The following SGCD variants were observed in gnomAD, a reference collection of about 807,000 sequenced individuals.
The protein encoded by SGCD is delta-sarcoglycan.
A neutral mutation model predicts 36.6 loss-of-function variants in SGCD; 18 were observed. That is an observed-to-expected ratio of 0.49 (90% CI 0.34 to 0.73). SGCD has a LOEUF of 0.73. SGCD is among the 30% of genes least tolerant of loss of function. The pLI is 0.01. For missense variants in SGCD, 387 were observed against 346.7 expected, an observed-to-expected ratio of 1.12 and a Z score of -0.92; for synonymous variants, 133 against 130.6, an observed-to-expected ratio of 1.02 and a Z score of -0.12.
intron 1 of SGCD, among the ~76,000 whole-genome samples, chr5:156,099,632 C>G (rs904324526): frequency 1.3e-5 from 2 of 152,104 alleles, no homozygotes; most frequent in Non-Finnish European, 2.9e-5. Context: ...TCAGACTGGT[C>G]TTGAACTCCT....
chr5:155,930,475 C>G (rs1757078585), intron 1 of SGCD, among the ~76,000 whole-genome samples: 1 of 152,152 alleles, frequency 6.6e-6, no homozygotes, highest in Non-Finnish European at 1.5e-5. Context: ...AAGAAAAACA[C>G]ACAATAGGTT....
At chr5:156,493,896 A>G (rs1221479091) in intron 3 of SGCD, among the ~76,000 whole-genome samples, 1 of 152,022 alleles carries the variant, frequency 6.6e-6, no homozygotes, top group Admixed American at 6.6e-5. Context: ...TCCCTTTCAC[A>G]TCTTTGTACC....
intron 3 of SGCD, among the ~76,000 whole-genome samples, chr5:156,258,441 A>T (rs1207837281): frequency 6.6e-6 from 1 of 152,228 alleles, no homozygotes; most frequent in Admixed American, 6.5e-5. Flanking sequence ...AGTAAATAAA[A>T]GTTCATTGAT....
the SGCD span, among the ~76,000 whole-genome samples, chr5:155,806,173 G>GGGAC: frequency 0.26 from 39,992 of 151,892 alleles, 5,880 homozygotes; most frequent in Admixed American, 0.46. Context: ...TGGGGGTGTG[G>GGGAC]GGACGGAGTC....
At chr5:155,908,449 T>A (rs1220752894) in intron 1 of SGCD, among the ~76,000 whole-genome samples, 1 of 152,204 alleles carries the variant, frequency 6.6e-6, no homozygotes, top group Non-Finnish European at 1.5e-5. Flanking sequence ...GTATAAAGGT[T>A]ATTTCACTTA....
chr5:156,759,333 C>T lies in SGCD; in HGVS notation c.816C>T (p.Phe272=). The change falls in exon 9 of 9, where the codon TTC becomes TTT. Residue 272 remains phenylalanine, a synonymous_variant. Coordinates refer to ENST00000337851, the MANE Select transcript of SGCD (RefSeq NM_000337.6). The part of the protein sequence containing the change: ...EICVCANGRL[F]LSQAGAGSTC... ...GCGTCTGCGCCAATGGGAGATTATT[C>T]CTGTCTCAGGCAGGAGCTGGGTCCA... The T allele has an allele frequency of 1.2e-6, 2 of 1,613,182 alleles. No individual in the cohort carries two copies. The highest frequency in any genetic ancestry group is 1.7e-6 in the Non-Finnish European group (2 of 1,179,330).
At chr5:156,436,538 C>T (rs559282372) in intron 3 of SGCD, among the ~76,000 whole-genome samples, 1 of 152,162 alleles carries the variant, frequency 6.6e-6, no homozygotes, top group South Asian at 2.1e-4. Flanking sequence ...CTAAAAGGGC[C>T]CTTGAAGATC....
the SGCD span, among the ~76,000 whole-genome samples, chr5:155,763,644 T>A: frequency 6.6e-6 from 1 of 152,136 alleles, no homozygotes; most frequent in South Asian, 2.1e-4. Flanking sequence ...CTGCATAAAG[T>A]ATTATATCAT....
chr5:155,751,596 C>T, the SGCD span, among the ~76,000 whole-genome samples: 2 of 151,834 alleles, frequency 1.3e-5, no homozygotes, highest in Admixed American at 1.3e-4. Context: ...GCCATGTTGC[C>T]TAGGCTAGTC....
At chr5:156,327,660 T>G (rs973847524) in intron 1 of SGCD, among the ~76,000 whole-genome samples, 1 of 152,220 alleles carries the variant, frequency 6.6e-6, no homozygotes, top group African/African-American at 2.4e-5. Flanking sequence ...TGTTGTTGTT[T>G]TTTAATAGTA....
chr5:155,851,963 G>T, the SGCD span, among the ~76,000 whole-genome samples: 1 of 152,104 alleles, frequency 6.6e-6, no homozygotes, highest in Admixed American at 6.6e-5. Context: ...AGCTCCTTGG[G>T]AGCTCCTCTA....
intron 3 of SGCD, among the ~76,000 whole-genome samples, chr5:156,296,692 T>A (rs1247924385): frequency 6.6e-6 from 1 of 152,210 alleles, no homozygotes; most frequent in Non-Finnish European, 1.5e-5. Flanking sequence ...CTAATGAGTC[T>A]TAATTTGTGG....
intron 1 of SGCD, among the ~76,000 whole-genome samples, chr5:155,942,974 TAG>T (rs1757360973): frequency 6.6e-6 from 1 of 152,246 alleles, no homozygotes; most frequent in Non-Finnish European, 1.5e-5. Flanking sequence ...AGACTTTTGT[TAG>T]TGTGTTTTCC....
intron 3 of SGCD, among the ~76,000 whole-genome samples, chr5:156,452,406 T>C (rs1203568197): frequency 6.6e-6 from 1 of 152,184 alleles, no homozygotes; most frequent in Non-Finnish European, 1.5e-5. Flanking sequence ...CCTTTTGCTT[T>C]CTTCCCTTTT....
intron 6 of SGCD, among the ~76,000 whole-genome samples, chr5:156,597,576 A>G (rs904628629): frequency 1.3e-5 from 2 of 152,192 alleles, no homozygotes; most frequent in African/African-American, 4.8e-5. Flanking sequence ...TCATGGGACT[A>G]TGGTTGCTAC....
At chr5:156,308,242 G>A (rs1274132417) in intron 3 of SGCD, among the ~76,000 whole-genome samples, 1 of 151,898 alleles carries the variant, frequency 6.6e-6, no homozygotes, top group African/African-American at 2.4e-5. Context: ...CAAAGGGAAA[G>A]CAAGGCATGT....
intron 4 of SGCD, among the ~76,000 whole-genome samples, chr5:156,575,399 T>C (rs569647415): frequency 2.6e-5 from 4 of 152,176 alleles, no homozygotes; most frequent in Non-Finnish European, 4.4e-5. Flanking sequence ...GGTCTTAAAC[T>C]TACAGCTTAG....
At chr5:155,814,253 C>T in the SGCD span, among the ~76,000 whole-genome samples, 1 of 152,176 alleles carries the variant, frequency 6.6e-6, no homozygotes, top group Non-Finnish European at 1.5e-5. Context: ...TTCTTGTTTG[C>T]TCTTTCTGTA....
intron 1 of SGCD, among the ~76,000 whole-genome samples, chr5:155,937,809 T>A (rs1387102150): frequency 6.6e-6 from 1 of 152,182 alleles, no homozygotes; most frequent in Non-Finnish European, 1.5e-5. Context: ...GCATTGTAAA[T>A]AGATCCAATC....
Sources: allele counts gnomAD v4.1 joint callset (sites outside exome capture counted in the v4.1 genomes callset), GRCh38; gene constraint gnomAD v4.1.1; transcripts MANE v1.5; gene names NCBI Gene and HGNC (gene_info 2026-07-23, HGNC 2026-07-21).